Variants in CSMD1 observed in about 807,000 individuals in gnomAD.
The protein encoded by CSMD1 is CUB and sushi domain-containing protein 1.
Under a neutral mutation model 417.5 loss-of-function variants are expected in CSMD1, and 213 were observed. That is an observed-to-expected ratio of 0.51 (90% confidence interval 0.46 to 0.57). The LOEUF (loss-of-function observed/expected upper bound fraction) is 0.57, where lower values mean the gene tolerates loss of function less well. Ranked by LOEUF, CSMD1 falls within the 20% of genes least tolerant of loss-of-function variation. The probability of loss-of-function intolerance (pLI) is 0.00; values close to 1 mark genes in which losing one functional copy is unlikely to be tolerated. For missense variants in CSMD1, 6,923 were observed against 4,529.7 expected (o/e 1.53, Z -15.17); for synonymous variants, 2,862 against 1,736.8 (o/e 1.65, Z -16.11).
intron 3 of CSMD1, among the ~76,000 whole-genome samples, chr8:4,134,615 G>A (rs149095187): frequency 6.6e-5 from 10 of 152,222 alleles, no homozygotes; most frequent in East Asian, 1.9e-4. Flanking sequence ...ACCTACACAC[G>A]TGCTACCTGA....
At chr8:3,825,823 TCCC>T (rs1486126682) in intron 5 of CSMD1, among the ~76,000 whole-genome samples, 1 of 152,114 alleles carries the variant, frequency 6.6e-6, no homozygotes, top group Non-Finnish European at 1.5e-5. Context: ...AGGCTTTAAA[TCCC>T]ATTTAAATAT....
chr8:3,662,681 C>G (rs749494329), intron 7 of CSMD1, among the ~76,000 whole-genome samples: 6 of 152,004 alleles, frequency 3.9e-5, no homozygotes, highest in Non-Finnish European at 8.8e-5. Flanking sequence ...CAGTTCATGT[C>G]CTTTGCAGGG....
At chr8:3,698,584 T>C (rs529925398) in intron 7 of CSMD1, among the ~76,000 whole-genome samples, 2 of 152,292 alleles carry the variant, frequency 1.3e-5, no homozygotes, top group Non-Finnish European at 2.9e-5. Context: ...CTACTACCAT[T>C]CAGATAAATC....
At chr8:3,938,098 T>A (rs2627531) in intron 5 of CSMD1, among the ~76,000 whole-genome samples, 2 of 151,868 alleles carry the variant, frequency 1.3e-5, no homozygotes, top group Non-Finnish European at 2.9e-5. Flanking sequence ...GTAGAAATTT[T>A]GAAAGTGTGA....
intron 3 of CSMD1, among the ~76,000 whole-genome samples, chr8:4,184,771 A>C (rs939562477): frequency 1.2e-4 from 2 of 17,236 alleles, no homozygotes; most frequent in Non-Finnish European, 1.6e-4. Flanking sequence ...GTGATGAAAT[A>C]ATCTGTACCA....
At chr8:4,222,163 C>G (rs142376890) in intron 3 of CSMD1, among the ~76,000 whole-genome samples, 1 of 151,922 alleles carries the variant, frequency 6.6e-6, no homozygotes, top group Non-Finnish European at 1.5e-5. Flanking sequence ...ACCACCATCT[C>G]AAAACCCCTT....
intron 3 of CSMD1, among the ~76,000 whole-genome samples, chr8:4,231,536 T>G (rs1409329636): frequency 3.9e-5 from 6 of 152,016 alleles, no homozygotes; most frequent in East Asian, 3.9e-4. Context: ...TTTTTTTTGG[T>G]GTTAAAGGCT....
intron 2 of CSMD1, among the ~76,000 whole-genome samples, chr8:4,502,192 GA>G (rs1401280128): frequency 6.6e-6 from 1 of 151,958 alleles, no homozygotes; most frequent in Non-Finnish European, 1.5e-5. Flanking sequence ...CTTATGAACA[GA>G]AACATTTTTT....
At chr8:4,118,882 A>G (rs1016756209) in intron 3 of CSMD1, among the ~76,000 whole-genome samples, 11 of 152,360 alleles carry the variant, frequency 7.2e-5, no homozygotes, top group Middle Eastern at 3.4e-3. Context: ...GAAATGTGGC[A>G]CATATACACC....
At chr8:4,222,993 A>C (rs1272315537) in intron 3 of CSMD1, among the ~76,000 whole-genome samples, 2 of 152,238 alleles carry the variant, frequency 1.3e-5, no homozygotes, top group South Asian at 2.1e-4. Flanking sequence ...AGTTAGATTA[A>C]AGCAAATAAA....
chr8:3,422,562 A>G (rs1207423154), intron 12 of CSMD1, among the ~76,000 whole-genome samples: 2 of 152,204 alleles, frequency 1.3e-5, no homozygotes, highest in African/African-American at 4.8e-5. Context: ...AGAAGACAAA[A>G]CAGTAAATTT....
intron 7 of CSMD1, among the ~76,000 whole-genome samples, chr8:3,637,918 T>C (rs540843408): frequency 6.6e-6 from 1 of 152,226 alleles, no homozygotes; most frequent in Non-Finnish European, 1.5e-5. Context: ...ACTCTCTTGA[T>C]TGCCGCCATG....
At chr8:4,927,179 T>A (rs1455660147) in intron 1 of CSMD1, among the ~76,000 whole-genome samples, 1 of 151,216 alleles carries the variant, frequency 6.6e-6, no homozygotes, top group East Asian at 1.9e-4. Context: ...CAATCTCAGC[T>A]CAGGGCAATC....
Position 4,580,788 on chromosome 8 carries a change from G to C in CSMD1, c.302+56554C>G, listed in dbSNP as rs1216494150. 3.9e-5 allele frequency among the ~76,000 whole-genome samples: 6 copies of C among 152,262 alleles called. No homozygotes were observed. In the East Asian group the frequency reaches 9.6e-4, roughly 24 times the overall value. On this transcript the variant is annotated intron_variant, in intron 2 of 69. Transcript: ENST00000635120. ...CCTAACATTTTATTTCCTTATGATA[G>C]TGTTAATTATATCCTATCTTAAAAA...
intron 1 of CSMD1, among the ~76,000 whole-genome samples, chr8:4,901,893 T>G (rs945892702): frequency 1.3e-5 from 2 of 152,078 alleles, no homozygotes; most frequent in African/African-American, 4.8e-5. Context: ...AAAAGGACAC[T>G]TCCATTTACC....
At chr8:2,945,361 A>AT (rs1430730147) in intron 68 of CSMD1, among the ~76,000 whole-genome samples, 1 of 152,122 alleles carries the variant, frequency 6.6e-6, no homozygotes, top group African/African-American at 2.4e-5. Flanking sequence ...ATCAGATTTA[A>AT]TTTTTTAAGG....
At position 2,966,660 on chromosome 8, in the gene CSMD1, C is replaced by A. The variant is rs1298016739; in HGVS notation, c.9010G>T (p.Ala3004Ser). 6.2e-7 allele frequency: 1 copy of A among 1,613,616 alleles called. No individual in the cohort carries two copies. The highest frequency in any genetic ancestry group is 1.3e-5 in the African/African-American group (1 of 74,890). ...GILFSSSVIY[A>S]CWEGYKTSGL... Reference sequence around the variant, plus strand: ...GAGGTCTTGTAGCCTTCCCAGCAGGCATAGATGACCGAGCTGGAGAACAGA... The same window carrying A: ...GAGGTCTTGTAGCCTTCCCAGCAGGAATAGATGACCGAGCTGGAGAACAGA... Residue 3004 changes from alanine to serine, a missense_variant, in exon 58 of 70, where the codon GCC becomes TCC. Transcript: ENST00000635120.
rs78125470 is a variant in CSMD1 at position 4,965,146 on chromosome 8, T to C, written c.85+29186A>G. 5.0e-3 allele frequency among the ~76,000 whole-genome samples: 756 copies of C among 152,282 alleles called. 3 individuals carry two copies. Among genetic ancestry groups the C allele is most frequent in the Non-Finnish European group, 8.3e-3 (568 of 68,038 alleles). On this transcript the variant is annotated intron_variant, in intron 1 of 69. Coordinates refer to ENST00000635120, the MANE Select transcript of CSMD1 (RefSeq NM_033225.6). ...CTGTTCTGAAGATACAAGCAAATATTTGTAGATAGCATACAGATATCATGA... is the reference window on the plus strand; with the variant it reads ...CTGTTCTGAAGATACAAGCAAATATCTGTAGATAGCATACAGATATCATGA...
intron 3 of CSMD1, among the ~76,000 whole-genome samples, chr8:4,163,699 AT>A (rs1223556468): frequency 6.6e-6 from 1 of 152,128 alleles, no homozygotes; most frequent in Admixed American, 6.5e-5. Flanking sequence ...AAATAATAAA[AT>A]TTTTTTATGG....
Sources: allele counts gnomAD v4.1 joint callset (sites outside exome capture counted in the v4.1 genomes callset), GRCh38; gene constraint gnomAD v4.1.1; transcripts MANE v1.5; gene names NCBI Gene and HGNC (gene_info 2026-07-23, HGNC 2026-07-21).